The following WNK3 variants were observed in gnomAD, a reference collection of about 807,000 sequenced individuals.
WNK3 encodes the protein serine/threonine-protein kinase WNK3.
Under a neutral mutation model 116.7 loss-of-function variants are expected in WNK3, and 18 were observed. The observed-to-expected ratio is 0.15, with a 90% confidence interval of 0.11 to 0.23. The LOEUF (loss-of-function observed/expected upper bound fraction) is 0.23. Ranked by LOEUF, WNK3 falls within the 10% of genes least tolerant of loss-of-function variation. WNK3 has a pLI of 1.00. For missense variants in WNK3, 993 were observed against 1,323.8 expected (o/e 0.75, Z 3.88); for synonymous variants, 404 against 469.4 (o/e 0.86, Z 1.80).
chrX:54,242,504 T>G (rs1272646456), intron 17 of WNK3, among the ~76,000 whole-genome samples: 2 of 112,398 alleles, frequency 1.8e-5, no homozygotes, highest in East Asian at 5.5e-4. Context: ...AGGACTCACA[T>G]TTCCTGATTT....
chrX:54,226,678 C>T (rs1171222327), intron 22 of WNK3, among the ~76,000 whole-genome samples: 6 of 107,400 alleles, frequency 5.6e-5, no homozygotes, highest in African/African-American at 2.0e-4. Flanking sequence ...CCCGTCTCTA[C>T]TAAAAATAAA....
At chrX:54,318,111 C>T (rs1173659442) in intron 2 of WNK3, among the ~76,000 whole-genome samples, 2 of 109,468 alleles carry the variant, frequency 1.8e-5, no homozygotes, top group African/African-American at 6.6e-5. Flanking sequence ...GTAATCCCAG[C>T]ACTTTGGGAG....
chrX:54,308,377 A>G (rs1225127716), intron 4 of WNK3, among the ~76,000 whole-genome samples: 1 of 109,051 alleles, frequency 9.2e-6, no homozygotes, highest in East Asian at 2.9e-4. Flanking sequence ...TTTTTAGTAG[A>G]GACGGGGTTT....
chrX:54,273,472 G>C, intron 10 of WNK3, among the ~76,000 whole-genome samples: 1 of 111,550 alleles, frequency 9.0e-6, no homozygotes, highest in Non-Finnish European at 1.9e-5. Flanking sequence ...AACCCGGAAG[G>C]CGGAGGTTGC....
chrX:54,252,136 C>T (rs1363672648), intron 13 of WNK3, among the ~76,000 whole-genome samples: 2 of 107,473 alleles, frequency 1.9e-5, no homozygotes, highest in Non-Finnish European at 3.9e-5. Flanking sequence ...GTATCTAAAT[C>T]CAAGTGTCAC....
chrX:54,267,799 A>G (rs2068331911), intron 10 of WNK3, among the ~76,000 whole-genome samples: 1 of 110,352 alleles, frequency 9.1e-6, no homozygotes, highest in African/African-American at 3.3e-5. Flanking sequence ...CTCTCAAAAA[A>G]AGAGCAACAA....
At chrX:54,293,098 T>TTTAA in intron 9 of WNK3, 36 bp downstream of exon 9, 2 of 1,180,325 alleles carry the variant, frequency 1.7e-6, no homozygotes, top group Non-Finnish European at 2.3e-6. Flanking sequence ...GTAAATACAC[T>TTTAA]GATTATATAT....
chrX:54,214,310 A>C (rs2067657251), intron 22 of WNK3, among the ~76,000 whole-genome samples: 1 of 111,408 alleles, frequency 9.0e-6, no homozygotes, highest in African/African-American at 3.3e-5. Flanking sequence ...AAAACCTCCC[A>C]AAAAAGAAAT....
At chrX:54,251,114 T>C (rs2068124966) in intron 15 of WNK3, among the ~76,000 whole-genome samples, 1 of 111,787 alleles carries the variant, frequency 8.9e-6, no homozygotes, top group Non-Finnish European at 1.9e-5. Context: ...ACCAGTTAAG[T>C]TTCAAACAGT....
chrX:54,214,803 G>A (rs1342441497), intron 22 of WNK3, among the ~76,000 whole-genome samples: 1 of 111,228 alleles, frequency 9.0e-6, no homozygotes, highest in Non-Finnish European at 1.9e-5. Context: ...ACGAGGTCAG[G>A]AGATCGAGAC....
intron 7 of WNK3, among the ~76,000 whole-genome samples, chrX:54,296,291 A>T (rs945260604): frequency 1.4e-4 from 16 of 110,855 alleles, no homozygotes; most frequent in Non-Finnish European, 2.8e-4. Flanking sequence ...TGCATATGAG[A>T]TATCACTCCC....
At position 54,302,358 on chromosome X, in the gene WNK3, C is replaced by T. The variant is rs1457807363; in HGVS notation, c.1090-499G>A. ...TGTCGCCCAGGCTGGAGTGCAGTGG[C>T]GTGATTTTGGCTCACTGCAACCTCC... On this transcript the variant is annotated intron_variant, in intron 5 of 23. Transcript: ENST00000354646. 4.5e-5 allele frequency among the ~76,000 whole-genome samples: 5 copies of T among 111,117 alleles called. No homozygotes were observed. In the East Asian group the frequency reaches 1.1e-3, roughly 25 times the overall value.
At chrX:54,217,292 TG>T (rs1557145555) in intron 22 of WNK3, among the ~76,000 whole-genome samples, 1 of 83,594 alleles carries the variant, frequency 1.2e-5, no homozygotes, top group African/African-American at 4.8e-5. Context: ...CACTCCAGCC[TG>T]GGCGACAGAG....
At chrX:54,352,309 C>CTTT (rs2069527156) in intron 1 of WNK3, among the ~76,000 whole-genome samples, 1 of 111,092 alleles carries the variant, frequency 9.0e-6, no homozygotes, top group Non-Finnish European at 1.9e-5. Flanking sequence ...GAAATGGAAC[C>CTTT]CTCATACATG....
chrX:54,278,921 A>G (rs1370576737), intron 10 of WNK3, among the ~76,000 whole-genome samples: 2 of 110,902 alleles, frequency 1.8e-5, no homozygotes, highest in Non-Finnish European at 3.8e-5. Flanking sequence ...TACAAAAATT[A>G]GCTGGGGGTG....
chrX:54,275,413 A>ATGTGTGTG (rs782746924), intron 10 of WNK3, among the ~76,000 whole-genome samples: 836 of 58,290 alleles, frequency 0.014, 30 homozygotes, highest in African/African-American at 0.034. Context: ...GTATAAGTTC[A>ATGTGTGTG]TATGTGTGTG....
At chrX:54,223,751 G>C (rs1028473328) in intron 22 of WNK3, 27 of 163,335 alleles carry the variant, frequency 1.7e-4, no homozygotes, top group South Asian at 4.3e-4. Flanking sequence ...TGGAGAACAA[G>C]AAAGCTCAGC....
At chrX:54,302,592 C>T (rs782004102) in intron 5 of WNK3, among the ~76,000 whole-genome samples, 15 of 109,341 alleles carry the variant, frequency 1.4e-4, no homozygotes, top group East Asian at 5.7e-4. Context: ...TAAGCCACTG[C>T]GCCCAGCCAT....
At chrX:54,284,976 G>T (rs1421001563) in intron 10 of WNK3, among the ~76,000 whole-genome samples, 1 of 93,398 alleles carries the variant, frequency 1.1e-5, no homozygotes, top group Non-Finnish European at 2.2e-5. Context: ...TCTCAAAAAA[G>T]AAAAAAAAAA....
Sources: allele counts gnomAD v4.1 joint callset (sites outside exome capture counted in the v4.1 genomes callset), GRCh38; gene constraint gnomAD v4.1.1; transcripts MANE v1.5; gene names NCBI Gene and HGNC (gene_info 2026-07-23, HGNC 2026-07-21).